The following CELF2 variants were observed in gnomAD, a reference collection of about 807,000 sequenced individuals.
CELF2 encodes CUGBP Elav-like family member 2.
A neutral mutation model predicts 62.6 loss-of-function variants in CELF2; 8 were observed. The observed-to-expected ratio is 0.13, with a 90% CI of 0.07 to 0.23. The LOEUF is 0.23. CELF2 is among the 10% of genes least tolerant of loss of function. The pLI is 1.00. For missense variants in CELF2, 333 were observed against 671.0 expected (o/e 0.50, Z 5.56); for synonymous variants, 258 against 250.0 (o/e 1.03, Z -0.30).
chr10:10,521,699 T>G, the CELF2 span, among the ~76,000 whole-genome samples: 637 of 152,294 alleles, frequency 4.2e-3, 6 homozygotes, highest in African/African-American at 0.014. Context: ...CTTGTTTACT[T>G]GCTAACCCTA....
the CELF2 span, among the ~76,000 whole-genome samples, chr10:10,663,822 G>T: frequency 6.6e-6 from 1 of 152,136 alleles, no homozygotes; most frequent in Admixed American, 6.5e-5. Context: ...GTAGCCACAT[G>T]TTATGTAATT....
At chr10:11,119,838 T>C (rs188344126) in intron 1 of CELF2, among the ~76,000 whole-genome samples, 1 of 150,926 alleles carries the variant, frequency 6.6e-6, no homozygotes, top group African/African-American at 2.4e-5. Flanking sequence ...GGGCACTGTT[T>C]ATTTGCCTGG....
At chr10:10,512,197 C>T in the CELF2 span, among the ~76,000 whole-genome samples, 1 of 152,118 alleles carries the variant, frequency 6.6e-6, no homozygotes, top group Non-Finnish European at 1.5e-5. Flanking sequence ...ATGCCTCCTC[C>T]TCACTCTGAA....
At chr10:10,616,525 G>A in the CELF2 span, among the ~76,000 whole-genome samples, 4 of 151,874 alleles carry the variant, frequency 2.6e-5, no homozygotes, top group Admixed American at 1.3e-4. Flanking sequence ...GTATAAATGG[G>A]ATTCTATAGA....
chr10:11,017,947 G>C lies in CELF2; in HGVS notation c.-143G>C. The C allele has an allele frequency of 1.0e-6, 1 of 985,398 alleles. No individual in the cohort carries two copies. The highest frequency in any genetic ancestry group is 1.2e-6 in the Non-Finnish European group (1 of 831,340). The allele number at this position is 985,398 out of a possible 1,614,324, so 61.0% of individuals were successfully genotyped here. A position where few individuals can be genotyped will look rare whatever the true frequency, so the allele number is the denominator to read the frequency against. ...ATTTCGGAGGGGATTGGCGGAGCGC[G>C]AGGAGAGAATGTGACAAGTGCCGGC... is the stretch of plus-strand genomic sequence containing the variant. On this transcript the variant is annotated 5_prime_UTR_variant, in exon 1 of 13. Transcript: ENST00000633077. The surrounding 1 kb of genome is among the most constrained non-coding windows in gnomAD (Gnocchi z 5.5).
At chr10:10,804,877 C>T (rs1406258325) in intron 1 of CELF2, among the ~76,000 whole-genome samples, 2 of 152,130 alleles carry the variant, frequency 1.3e-5, no homozygotes, top group Non-Finnish European at 2.9e-5. Context: ...CAGAGGAGAG[C>T]ACGCTGTGTA....
At chr10:11,210,059 C>G (rs2061435279) in intron 2 of CELF2, among the ~76,000 whole-genome samples, 1 of 152,226 alleles carries the variant, frequency 6.6e-6, no homozygotes, top group Non-Finnish European at 1.5e-5. Flanking sequence ...GCCTTCGTCC[C>G]TTGATCTGTC....
At chr10:11,310,390 G>A (rs1345742661) in intron 9 of CELF2, among the ~76,000 whole-genome samples, 1 of 152,148 alleles carries the variant, frequency 6.6e-6, no homozygotes, top group Non-Finnish European at 1.5e-5. Flanking sequence ...GCAGGTTGTG[G>A]GTTGTGGGTC....
chr10:10,604,235 C>T, the CELF2 span, among the ~76,000 whole-genome samples: 1 of 152,154 alleles, frequency 6.6e-6, no homozygotes, highest in East Asian at 1.9e-4. Flanking sequence ...GATTTACAAA[C>T]AATAACTCAT....
At chr10:10,840,836 C>T (rs1008406517) in intron 1 of CELF2, among the ~76,000 whole-genome samples, 1 of 152,072 alleles carries the variant, frequency 6.6e-6, no homozygotes, top group Non-Finnish European at 1.5e-5. Context: ...TTCTCTCCCT[C>T]CCCTTGTCCC....
At chr10:10,798,725 C>T in exon 1 of CELF2, 1 of 398,854 alleles carries the variant, frequency 2.5e-6, no homozygotes, top group Non-Finnish European at 4.4e-6. Context: ...CCATCCCCGC[C>T]TCCTCCTCTC....
the CELF2 span, among the ~76,000 whole-genome samples, chr10:10,696,276 T>A: frequency 6.6e-6 from 1 of 152,022 alleles, no homozygotes; most frequent in South Asian, 2.1e-4. Flanking sequence ...GAGGTGTCAG[T>A]GTGCCCCTGC....
At chr10:10,915,937 G>T (rs2064284116) in intron 1 of CELF2, among the ~76,000 whole-genome samples, 1 of 152,202 alleles carries the variant, frequency 6.6e-6, no homozygotes, top group Non-Finnish European at 1.5e-5. Flanking sequence ...ATATTAGTCA[G>T]GAAATAAAGA....
At chr10:10,840,807 C>T (rs1375278988) in intron 1 of CELF2, among the ~76,000 whole-genome samples, 1 of 152,078 alleles carries the variant, frequency 6.6e-6, no homozygotes, top group Non-Finnish European at 1.5e-5. Context: ...GCCCTGCATG[C>T]ATTTGGTATT....
At chr10:10,985,497 T>C (rs1239555461) in intron 2 of CELF2, among the ~76,000 whole-genome samples, 1 of 152,204 alleles carries the variant, frequency 6.6e-6, no homozygotes, top group Non-Finnish European at 1.5e-5. Flanking sequence ...CAACACAGAC[T>C]ATTCTTGCAT....
chr10:11,103,487 ATTTT>A (rs3054364), intron 1 of CELF2, among the ~76,000 whole-genome samples: 2 of 119,736 alleles, frequency 1.7e-5, no homozygotes, highest in Admixed American at 8.3e-5. Flanking sequence ...TTGTAGCCTG[ATTTT>A]TTTTTTTTTT....
chr10:10,487,153 G>A, the CELF2 span, among the ~76,000 whole-genome samples: 3 of 152,268 alleles, frequency 2.0e-5, no homozygotes, highest in East Asian at 3.9e-4. Context: ...TGGGGATGCT[G>A]CAATGTCTTC....
chr10:10,756,804 A>G, the CELF2 span, among the ~76,000 whole-genome samples: 1 of 152,230 alleles, frequency 6.6e-6, no homozygotes, highest in Non-Finnish European at 1.5e-5. Flanking sequence ...TTAAAGAAGC[A>G]GTAATTTTTG....
the CELF2 span, among the ~76,000 whole-genome samples, chr10:10,610,646 A>G: frequency 1.3e-5 from 2 of 152,192 alleles, no homozygotes; most frequent in Admixed American, 6.5e-5. Context: ...CTTTAATTCA[A>G]CTGCAGTTAA....
Sources: allele counts gnomAD v4.1 joint callset (sites outside exome capture counted in the v4.1 genomes callset), GRCh38; gene constraint gnomAD v4.1.1; non-coding constraint Gnocchi (gnomAD v3.1); transcripts MANE v1.5; gene names NCBI Gene and HGNC (gene_info 2026-07-23, HGNC 2026-07-21).